DROSHA: variants seen among roughly 807,000 people sequenced by gnomAD.
DROSHA encodes the protein ribonuclease 3.
Under a neutral mutation model 181.9 loss-of-function variants are expected in DROSHA, and 56 were observed. The ratio of observed to expected loss-of-function variants is 0.31; its 90% CI spans 0.25 to 0.38. DROSHA has a LOEUF of 0.38. DROSHA is among the 10% of genes least tolerant of loss of function. The pLI is 1.00. For missense variants in DROSHA, 1,218 were observed against 1,743.5 expected (o/e 0.70, Z 5.37); for synonymous variants, 524 against 591.2 (o/e 0.89, Z 1.65).
At position 31,409,258 on chromosome 5, in the gene DROSHA, G is replaced by A. The variant is rs1741011917; in HGVS notation, c.3742C>T (p.Arg1248Ter). 6.3e-7 allele frequency: 1 copy of A among 1,596,460 alleles called. No individual in the cohort carries two copies. Among genetic ancestry groups the A allele is most frequent in the Non-Finnish European group, 8.5e-7 (1 of 1,170,772 alleles). ...HTFMNVCFFP[R>*]LKEFILNQDW... Reference sequence around the variant, plus strand: ...ACTTTATATGAGCTTACTTTCAATCGTGGAAAGAAGCAGACATTCATGAAA... The same window carrying A: ...ACTTTATATGAGCTTACTTTCAATCATGGAAAGAAGCAGACATTCATGAAA... The change falls in exon 32 of 36, where the codon CGA (arginine) becomes TGA (stop). Residue 1248 changes from arginine (R) to a stop codon, truncating the protein, a stop_gained. Transcript: ENST00000344624. LOFTEE classifies it high-confidence loss of function. This position sits in a 1 kb window ranked among gnomAD's most constrained non-coding sequence, Gnocchi z 4.0.
chr5:31,514,886 A>G lies in DROSHA; in HGVS notation c.1290+102T>C. ...GATGCCGCTAAACATCCTACAATGC[A>G]TAGGGCAGTCCCCACAATCAAGAAT... On this transcript the variant is annotated intron_variant, in intron 8 of 35. Coordinates refer to ENST00000344624, the MANE Select transcript of DROSHA (RefSeq NM_001382508.1). The surrounding 1 kb of genome is among the most constrained non-coding windows in gnomAD (Gnocchi z 4.4). 1.9e-6 allele frequency: 2 copies of G among 1,072,008 alleles called. No individual in the cohort carries two copies. The highest frequency in any genetic ancestry group is 3.0e-5 in the South Asian group (2 of 66,344). 66.4% of individuals were successfully genotyped at this position (1,072,008 alleles called of 1,614,324 possible).
chr5:31,480,765 T>C lies in DROSHA; in HGVS notation c.2071+2789A>G, dbSNP rs117997844. ...TGCGTCCCTGCTATGTGCCATGAAGTATGTTAGCACTAGTGATACAACAAG... is the reference window on the plus strand; with the variant it reads ...TGCGTCCCTGCTATGTGCCATGAAGCATGTTAGCACTAGTGATACAACAAG... On this transcript the variant is annotated intron_variant, in intron 16 of 35. Transcript: ENST00000344624. 4.1e-3 allele frequency among the ~76,000 whole-genome samples: 629 copies of C among 152,300 alleles called. 15 individuals carry two copies. In the East Asian group the frequency reaches 0.054, roughly 13 times the overall value.
At chr5:31,433,253 T>C (rs574859683) in intron 25 of DROSHA, among the ~76,000 whole-genome samples, 2 of 152,344 alleles carry the variant, frequency 1.3e-5, no homozygotes, top group South Asian at 4.1e-4. Flanking sequence ...TTATAAAATA[T>C]ACTCAAATGA....
At chr5:31,488,145 G>A (rs185480362) in intron 13 of DROSHA, among the ~76,000 whole-genome samples, 131 of 152,206 alleles carry the variant, frequency 8.6e-4, no homozygotes, top group East Asian at 7.9e-3. Context: ...GGCCGGGCAC[G>A]GTGGCTTATG....
intron 29 of DROSHA, 100 bp from the exon 30 acceptor site, chr5:31,421,477 G>A (rs1359131488): frequency 3.1e-6 from 3 of 972,590 alleles, no homozygotes; most frequent in Admixed American, 4.0e-5. Context: ...AAAAGACAAT[G>A]TGTTCATTTT....
At chr5:31,473,513 T>C (rs1749988114) in intron 16 of DROSHA, among the ~76,000 whole-genome samples, 1 of 152,034 alleles carries the variant, frequency 6.6e-6, no homozygotes. Flanking sequence ...CAGCCACCGT[T>C]CTAGGCCCTG....
At chr5:31,486,667 C>G in intron 13 of DROSHA, 105 bp from the exon 14 acceptor site, 1 of 865,138 alleles carries the variant, frequency 1.2e-6, no homozygotes, top group South Asian at 1.7e-5. Flanking sequence ...AATGAGAAGG[C>G]TTCACCTTCA....
At chr5:31,428,070 C>T (rs1179494979) in intron 27 of DROSHA, among the ~76,000 whole-genome samples, 1 of 152,170 alleles carries the variant, frequency 6.6e-6, no homozygotes, top group Non-Finnish European at 1.5e-5. Context: ...CTGTATTAAA[C>T]GCTGCACATG....
intron 13 of DROSHA, among the ~76,000 whole-genome samples, chr5:31,492,337 GC>G (rs1469147615): frequency 6.6e-6 from 1 of 152,186 alleles, no homozygotes; most frequent in Non-Finnish European, 1.5e-5. Flanking sequence ...AAAGGGCTAA[GC>G]TAAGGCAAAG....
At chr5:31,471,784 ACAGCC>A (rs1399244101) in intron 17 of DROSHA, among the ~76,000 whole-genome samples, 1 of 152,230 alleles carries the variant, frequency 6.6e-6, no homozygotes, top group Non-Finnish European at 1.5e-5. Context: ...TACAAATTTT[ACAGCC>A]CTTCTGGAAA....
chr5:31,406,835 G>C lies in DROSHA; in HGVS notation c.3947+18C>G. On this transcript the variant is annotated intron_variant, in intron 34 of 35. Transcript: ENST00000344624. ...AGGATGTTCATTCAAAGCAATTCCA[G>C]GTATTCTCTTCTCATACCTTGGTCC... The C allele has an allele frequency of 6.2e-7, 1 of 1,608,478 alleles. No individual in the cohort carries two copies. The highest frequency in any genetic ancestry group is 2.2e-5 in the East Asian group (1 of 44,752).
intron 9 of DROSHA, among the ~76,000 whole-genome samples, chr5:31,510,822 T>C (rs1229745763): frequency 6.6e-6 from 1 of 152,206 alleles, no homozygotes; most frequent in Non-Finnish European, 1.5e-5. Flanking sequence ...GCCTTGCAAA[T>C]GAGATCGCTG....
chr5:31,504,698 T>C, intron 10 of DROSHA, 63 bp from the exon 11 acceptor site: 1 of 1,566,382 alleles, frequency 6.4e-7, no homozygotes, highest in Non-Finnish European at 8.8e-7. Context: ...TGCACGGTGA[T>C]GCCTCCGAAA....
chr5:31,441,870 C>G (rs886411355), intron 23 of DROSHA, among the ~76,000 whole-genome samples: 1 of 152,152 alleles, frequency 6.6e-6, no homozygotes, highest in East Asian at 1.9e-4. Flanking sequence ...AAGTACTATA[C>G]AGAAAAATCT....
At chr5:31,422,134 T>C (rs1742831205) in intron 29 of DROSHA, among the ~76,000 whole-genome samples, 1 of 149,896 alleles carries the variant, frequency 6.7e-6, no homozygotes, top group Admixed American at 6.6e-5. Context: ...AGAAATAACA[T>C]ACTCCATTAT....
intron 25 of DROSHA, among the ~76,000 whole-genome samples, chr5:31,435,281 A>C (rs1024888490): frequency 8.5e-5 from 13 of 152,192 alleles, no homozygotes; most frequent in Admixed American, 3.9e-4. Flanking sequence ...CTAAACCCTA[A>C]ATCTTAATAG....
intron 23 of DROSHA, among the ~76,000 whole-genome samples, chr5:31,442,608 C>A (rs1387306455): frequency 6.6e-6 from 1 of 152,144 alleles, no homozygotes; most frequent in East Asian, 1.9e-4. Flanking sequence ...CAACCGTCTC[C>A]CTGTAACAGT....
At chr5:31,510,679 C>T (rs992466162) in intron 9 of DROSHA, among the ~76,000 whole-genome samples, 5 of 152,156 alleles carry the variant, frequency 3.3e-5, no homozygotes, top group African/African-American at 4.8e-5. Flanking sequence ...TCAAACCAGG[C>T]GCACCTGGCA....
At chr5:31,501,622 C>A (rs1368918175) in intron 11 of DROSHA, among the ~76,000 whole-genome samples, 1 of 152,068 alleles carries the variant, frequency 6.6e-6, no homozygotes, top group Non-Finnish European at 1.5e-5. Context: ...TGAAGGATGA[C>A]TGCAAACTAC....
Sources: allele counts gnomAD v4.1 joint callset (sites outside exome capture counted in the v4.1 genomes callset), GRCh38; gene constraint gnomAD v4.1.1; non-coding constraint Gnocchi (gnomAD v3.1); transcripts MANE v1.5; gene names NCBI Gene and HGNC (gene_info 2026-07-23, HGNC 2026-07-21).